The following UBL3 variants were observed in gnomAD, a reference collection of about 807,000 sequenced individuals.
The protein encoded by UBL3 is ubiquitin-like protein 3.
In UBL3, 6 loss-of-function variants were observed where a neutral mutation model predicts 18.4. The observed-to-expected ratio is 0.33, with a 90% CI of 0.18 to 0.64. UBL3 has a LOEUF of 0.64. Ranked by LOEUF, UBL3 falls within the 30% of genes least tolerant of loss-of-function variation. The pLI, the probability that UBL3 is intolerant of heterozygous loss-of-function variation, is 0.76. For synonymous variants in UBL3, 49 were observed against 46.6 expected (o/e 1.05, Z -0.21); for missense variants, 109 against 142.9 (o/e 0.76, Z 1.21).
At chr13:29,778,374 T>C (rs1877055384) in intron 1 of UBL3, among the ~76,000 whole-genome samples, 1 of 152,236 alleles carries the variant, frequency 6.6e-6, no homozygotes, top group Non-Finnish European at 1.5e-5. Flanking sequence ...AAACACCATA[T>C]CTATGTATTT....
chr13:29,841,153 T>C lies in UBL3; in HGVS notation c.27+8359A>G, dbSNP rs75293943. ...TGTTAATGTCAAACTTCAACAATTT[T>C]CTTCAGCAGAAAGAACATTTTCTTC... On this transcript the variant is annotated intron_variant, in intron 1 of 4. Transcript: ENST00000380680. Among the ~76,000 whole-genome samples the C allele has an allele frequency of 7.9e-3, 1,204 of 152,274 alleles. 15 individuals carry two copies. The highest frequency in any genetic ancestry group is 0.027 in the African/African-American group (1,128 of 41,544).
intron 2 of UBL3, among the ~76,000 whole-genome samples, chr13:29,775,530 A>G (rs959215769): frequency 6.6e-6 from 1 of 152,248 alleles, no homozygotes; most frequent in African/African-American, 2.4e-5. Flanking sequence ...GCTGAAAAAA[A>G]TCATATCACT....
At chr13:29,847,002 G>A (rs1234938997) in intron 1 of UBL3, among the ~76,000 whole-genome samples, 1 of 152,190 alleles carries the variant, frequency 6.6e-6, no homozygotes, top group Non-Finnish European at 1.5e-5. Flanking sequence ...GCGGTAAATT[G>A]TTGTCATGAA....
At chr13:29,790,833 T>C (rs1259325728) in intron 1 of UBL3, among the ~76,000 whole-genome samples, 1 of 152,142 alleles carries the variant, frequency 6.6e-6, no homozygotes, top group African/African-American at 2.4e-5. Context: ...TCAGTTGGTT[T>C]TTCTTCCTTT....
chr13:29,784,108 C>A (rs1032050415), intron 1 of UBL3, among the ~76,000 whole-genome samples: 1 of 152,126 alleles, frequency 6.6e-6, no homozygotes, highest in Non-Finnish European at 1.5e-5. Flanking sequence ...CAAGTTAGAA[C>A]CATTTTTAGT....
intron 1 of UBL3, among the ~76,000 whole-genome samples, chr13:29,824,754 T>C (rs1401203882): frequency 1.3e-5 from 2 of 152,248 alleles, no homozygotes; most frequent in South Asian, 2.1e-4. Flanking sequence ...CCATTGCTTT[T>C]GGTGTTTTAG....
intron 1 of UBL3, among the ~76,000 whole-genome samples, chr13:29,797,620 G>C (rs137956127): frequency 6.6e-6 from 1 of 152,032 alleles, no homozygotes; most frequent in African/African-American, 2.4e-5. Flanking sequence ...GGCACATTAC[G>C]TAAGTGTTGA....
At chr13:29,782,978 T>C (rs1877217747) in intron 1 of UBL3, among the ~76,000 whole-genome samples, 1 of 152,230 alleles carries the variant, frequency 6.6e-6, no homozygotes, top group Non-Finnish European at 1.5e-5. Flanking sequence ...CCAGTAACTG[T>C]TGACTAATAT....
At chr13:29,801,396 G>A (rs2139332899) in intron 1 of UBL3, among the ~76,000 whole-genome samples, 1 of 152,330 alleles carries the variant, frequency 6.6e-6, no homozygotes, top group South Asian at 2.1e-4. Context: ...TTGGACTGGA[G>A]AAGAAACGAA....
At chr13:29,842,624 A>T (rs1879134459) in intron 1 of UBL3, among the ~76,000 whole-genome samples, 1 of 152,172 alleles carries the variant, frequency 6.6e-6, no homozygotes, top group African/African-American at 2.4e-5. Context: ...ATCCAGGGTG[A>T]CTGTAAGGAT....
At chr13:29,786,736 G>A (rs939789575) in intron 1 of UBL3, among the ~76,000 whole-genome samples, 2 of 145,016 alleles carry the variant, frequency 1.4e-5, no homozygotes, top group Non-Finnish European at 3.0e-5. Flanking sequence ...AAGAAGCTAC[G>A]GGATCTTTTT....
intron 1 of UBL3, among the ~76,000 whole-genome samples, chr13:29,800,629 T>C (rs953777179): frequency 2.6e-5 from 4 of 152,218 alleles, no homozygotes; most frequent in Non-Finnish European, 4.4e-5. Context: ...AGAAAAAATA[T>C]GGCAGACTAA....
At chr13:29,772,008 A>C (rs1876853367) in intron 3 of UBL3, 104 bp downstream of exon 3, 3 of 1,007,752 alleles carry the variant, frequency 3.0e-6, no homozygotes, top group Non-Finnish European at 4.4e-6. Flanking sequence ...CATAGTTTGA[A>C]TTTATCATTT....
chr13:29,775,282 G>A (rs978744145), intron 2 of UBL3, among the ~76,000 whole-genome samples: 2 of 152,090 alleles, frequency 1.3e-5, no homozygotes, highest in Admixed American at 1.3e-4. Flanking sequence ...AGAATAAAGA[G>A]TTTTAACTGG....
chr13:29,848,453 G>A (rs1403339077), intron 1 of UBL3, among the ~76,000 whole-genome samples: 2 of 151,470 alleles, frequency 1.3e-5, no homozygotes, highest in African/African-American at 2.4e-5. Flanking sequence ...GCAAAACTCC[G>A]TCTCAAAAAA....
intron 1 of UBL3, among the ~76,000 whole-genome samples, chr13:29,802,561 T>C (rs1274502728): frequency 1.3e-5 from 2 of 152,072 alleles, no homozygotes; most frequent in Non-Finnish European, 1.5e-5. Context: ...AGGAGTACAA[T>C]AAAATGATGC....
chr13:29,829,090 G>GGGGTGCCTCCCAGTA (rs1273798650), intron 1 of UBL3, among the ~76,000 whole-genome samples: 2 of 152,162 alleles, frequency 1.3e-5, no homozygotes, highest in Non-Finnish European at 2.9e-5. Context: ...CCCCTACTAG[G>GGGGTGCCTCCCAGTA]GGGTGCCTCC....
chr13:29,847,763 C>T (rs1312581535), intron 1 of UBL3, among the ~76,000 whole-genome samples: 3 of 152,080 alleles, frequency 2.0e-5, no homozygotes, highest in Admixed American at 1.3e-4. Context: ...GCGATGAACC[C>T]ACAGATCACT....
chr13:29,795,005 C>A (rs1877572288), intron 1 of UBL3, among the ~76,000 whole-genome samples: 1 of 152,110 alleles, frequency 6.6e-6, no homozygotes, highest in Non-Finnish European at 1.5e-5. Flanking sequence ...AAATTGTAGC[C>A]AAAACATTCT....
Sources: gnomAD v4.1 joint callset for allele counts (sites outside exome capture counted in the v4.1 genomes callset) on GRCh38, gnomAD v4.1.1 for gene constraint, MANE v1.5 for transcripts, NCBI Gene and HGNC (gene_info 2026-07-23, HGNC 2026-07-21) for gene names.